RSU1: variants seen among roughly 807,000 people sequenced by gnomAD.
The protein encoded by RSU1 is rsu-1.
A neutral mutation model predicts 31.1 loss-of-function variants in RSU1; 26 were observed. The observed-to-expected ratio is 0.84, with a 90% CI of 0.61 to 1.16. RSU1 has a LOEUF of 1.16. Ranked by LOEUF, RSU1 falls within the 50% of genes most tolerant of loss-of-function variation. RSU1 has a pLI of 0.00. For synonymous variants in RSU1, 164 were observed against 136.3 expected (o/e 1.20, Z -1.41); for missense variants, 320 against 339.1 (o/e 0.94, Z 0.44).
intron 8 of RSU1, among the ~76,000 whole-genome samples, chr10:16,668,172 G>A: frequency 6.6e-6 from 1 of 152,168 alleles, no homozygotes; most frequent in South Asian, 2.1e-4. Context: ...GGGATAAGCA[G>A]TATTCACCTC....
chr10:16,633,114 AC>A (rs1377896725), intron 8 of RSU1, among the ~76,000 whole-genome samples: 1 of 151,862 alleles, frequency 6.6e-6, no homozygotes, highest in Non-Finnish European at 1.5e-5. Flanking sequence ...CTTTATCAGC[AC>A]CCCCGGCTGT....
chr10:16,651,486 C>G (rs1297111503), intron 8 of RSU1, among the ~76,000 whole-genome samples: 1 of 152,184 alleles, frequency 6.6e-6, no homozygotes, highest in African/African-American at 2.4e-5. Context: ...TTATTTTCCA[C>G]TGACAGAATA....
chr10:16,717,845 C>T (rs757684986), intron 7 of RSU1, among the ~76,000 whole-genome samples: 24 of 151,940 alleles, frequency 1.6e-4, no homozygotes, highest in East Asian at 3.9e-4. Context: ...ACAAAAAAAA[C>T]GCATTACTAT....
At chr10:16,639,127 T>G (rs532336762) in intron 8 of RSU1, among the ~76,000 whole-genome samples, 3 of 152,332 alleles carry the variant, frequency 2.0e-5, no homozygotes, top group African/African-American at 7.2e-5. Flanking sequence ...TAAATGGAAC[T>G]TCTGAACTCA....
intron 2 of RSU1, 88 bp downstream of exon 2, chr10:16,816,885 C>T: frequency 1.1e-6 from 1 of 926,774 alleles, no homozygotes; most frequent in Non-Finnish European, 1.8e-6. Context: ...TAAACCAGTA[C>T]AATCGCTCAC....
chr10:16,689,031 A>G (rs143972948), intron 8 of RSU1, among the ~76,000 whole-genome samples: 1 of 151,176 alleles, frequency 6.6e-6, no homozygotes, highest in African/African-American at 2.5e-5. Context: ...AAAAAGCTTT[A>G]AAGAAAAACA....
At chr10:16,700,970 T>A (rs77845991) in intron 7 of RSU1, among the ~76,000 whole-genome samples, 1,979 of 152,332 alleles carry the variant, frequency 0.013, 57 homozygotes, top group African/African-American at 0.045. Flanking sequence ...TATATGTATA[T>A]GACTAAATGT....
At chr10:16,788,498 G>T (rs924375677) in intron 2 of RSU1, among the ~76,000 whole-genome samples, 2 of 152,158 alleles carry the variant, frequency 1.3e-5, no homozygotes, top group African/African-American at 4.8e-5. Flanking sequence ...ATACAAGAAG[G>T]TGGCCTTCCA....
chr10:16,598,821 T>C (rs1319108499), intron 8 of RSU1, among the ~76,000 whole-genome samples: 2 of 151,274 alleles, frequency 1.3e-5, no homozygotes, highest in East Asian at 1.9e-4. Context: ...GTTAGAGCAA[T>C]AGAGAACTAA....
At chr10:16,678,404 C>G (rs961866213) in intron 8 of RSU1, among the ~76,000 whole-genome samples, 4 of 152,150 alleles carry the variant, frequency 2.6e-5, no homozygotes, top group Admixed American at 2.0e-4. Flanking sequence ...AGCGAGAAAC[C>G]TTCTCTCAAG....
chr10:16,712,690 G>C (rs2131581827), intron 7 of RSU1, among the ~76,000 whole-genome samples: 1 of 152,180 alleles, frequency 6.6e-6, no homozygotes, highest in East Asian at 1.9e-4. Context: ...GGTTGTTGTT[G>C]TTTTTGACCT....
chr10:16,665,418 G>A (rs370771607), intron 8 of RSU1, among the ~76,000 whole-genome samples: 3 of 152,290 alleles, frequency 2.0e-5, no homozygotes, highest in African/African-American at 2.4e-5. Flanking sequence ...TCTGACTCCA[G>A]AACCCACCAC....
At chr10:16,687,235 G>A (rs911862689) in intron 8 of RSU1, among the ~76,000 whole-genome samples, 16 of 152,190 alleles carry the variant, frequency 1.1e-4, no homozygotes, top group African/African-American at 2.4e-5. Flanking sequence ...TGGTTTTTAA[G>A]CCCTAGTAGA....
chr10:16,760,039 C>G (rs1409663485), intron 4 of RSU1, among the ~76,000 whole-genome samples: 1 of 152,124 alleles, frequency 6.6e-6, no homozygotes, highest in Non-Finnish European at 1.5e-5. Flanking sequence ...TTTAGTGAAA[C>G]CCATCTTAGC....
At chr10:16,759,561 T>C (rs547889224) in intron 4 of RSU1, among the ~76,000 whole-genome samples, 1 of 152,240 alleles carries the variant, frequency 6.6e-6, no homozygotes, top group Non-Finnish European at 1.5e-5. Flanking sequence ...AGGGACTTAA[T>C]AAAAACTTCT....
chr10:16,667,471 C>G (rs546390249), intron 8 of RSU1, among the ~76,000 whole-genome samples: 6 of 152,038 alleles, frequency 3.9e-5, no homozygotes, highest in African/African-American at 1.2e-4. Flanking sequence ...TAAAATATGC[C>G]ATTAACTCTA....
chr10:16,647,945 C>G (rs1299657821), intron 8 of RSU1, among the ~76,000 whole-genome samples: 1 of 151,840 alleles, frequency 6.6e-6, no homozygotes, highest in Non-Finnish European at 1.5e-5. Context: ...TGTGTGCTTT[C>G]TTCTTTTTCT....
intron 3 of RSU1, among the ~76,000 whole-genome samples, chr10:16,779,843 A>C (rs1170071551): frequency 6.6e-6 from 1 of 152,232 alleles, no homozygotes; most frequent in Non-Finnish European, 1.5e-5. Context: ...ATTCATTTAA[A>C]TGCCAGAAAA....
At chr10:16,684,910 A>C (rs1835411344) in intron 8 of RSU1, among the ~76,000 whole-genome samples, 2 of 152,180 alleles carry the variant, frequency 1.3e-5, no homozygotes, top group African/African-American at 4.8e-5. Context: ...AGAGAATATA[A>C]AGTATGTGCA....
Sources: gnomAD v4.1 joint callset for allele counts (sites outside exome capture counted in the v4.1 genomes callset) on GRCh38, gnomAD v4.1.1 for gene constraint, MANE v1.5 for transcripts, NCBI Gene and HGNC (gene_info 2026-07-23, HGNC 2026-07-21) for gene names.